The following SOX5 variants were observed in gnomAD, a reference collection of about 807,000 sequenced individuals.
SOX5 encodes the protein SRY-box transcription factor 5.
SOX5 carries 9 observed loss-of-function variants against 92.0 expected under a neutral mutation model. The observed-to-expected ratio is 0.10, with a 90% CI of 0.06 to 0.17. SOX5 has a LOEUF of 0.17. Ranked by LOEUF, SOX5 falls within the 10% of genes least tolerant of loss-of-function variation. SOX5 has a pLI of 1.00. For missense variants in SOX5, 642 were observed against 944.5 expected, an observed-to-expected ratio of 0.68 and a Z score of 4.20; for synonymous variants, 344 against 336.3, an observed-to-expected ratio of 1.02 and a Z score of -0.25.
chr12:24,490,675 T>C (rs1183156476), intron 1 of SOX5, among the ~76,000 whole-genome samples: 3 of 152,242 alleles, frequency 2.0e-5, no homozygotes, highest in East Asian at 1.9e-4. Context: ...ACACACACCA[T>C]ATTTTTTTTA....
intron 4 of SOX5, among the ~76,000 whole-genome samples, chr12:24,098,412 G>T (rs1226770934): frequency 6.6e-6 from 1 of 152,046 alleles, no homozygotes; most frequent in African/African-American, 2.4e-5. Context: ...CACACACACG[G>T]TAGTTTTCAA....
intron 2 of SOX5, among the ~76,000 whole-genome samples, chr12:23,870,584 T>C (rs1359352578): frequency 2.6e-5 from 4 of 152,130 alleles, no homozygotes; most frequent in African/African-American, 4.8e-5. Flanking sequence ...ATAGATCCAC[T>C]TGTATGATCC....
intron 4 of SOX5, among the ~76,000 whole-genome samples, chr12:24,194,458 G>T (rs12298320): frequency 0.25 from 37,325 of 151,978 alleles, 5,884 homozygotes; most frequent in African/African-American, 0.45. Context: ...GGTAGGTAGA[G>T]AGATATGTGT....
At chr12:24,540,153 C>G (rs1053640305) in intron 1 of SOX5, among the ~76,000 whole-genome samples, 5 of 152,042 alleles carry the variant, frequency 3.3e-5, no homozygotes, top group Non-Finnish European at 7.4e-5. Flanking sequence ...ACGTAAGGAC[C>G]TTATCTGAAG....
chr12:23,964,931 A>T (rs1333376472), intron 4 of SOX5, among the ~76,000 whole-genome samples: 1 of 152,232 alleles, frequency 6.6e-6, no homozygotes, highest in African/African-American at 2.4e-5. Flanking sequence ...CGAAGAAATC[A>T]ACTTGAAGAA....
At chr12:24,508,207 C>T (rs374958452) in intron 1 of SOX5, among the ~76,000 whole-genome samples, 331 of 152,178 alleles carry the variant, frequency 2.2e-3, no homozygotes, top group African/African-American at 7.7e-3. Flanking sequence ...TCTAGCAGCC[C>T]TGTGCAGAGT....
At chr12:24,312,679 CATTTA>C (rs1555224952) in intron 2 of SOX5, among the ~76,000 whole-genome samples, 1 of 152,158 alleles carries the variant, frequency 6.6e-6, no homozygotes, top group Non-Finnish European at 1.5e-5. Context: ...TTCAGAAAGA[CATTTA>C]ATTTATGTGG....
chr12:24,466,317 C>T (rs1470650779), intron 1 of SOX5, among the ~76,000 whole-genome samples: 1 of 151,866 alleles, frequency 6.6e-6, no homozygotes, highest in African/African-American at 2.4e-5. Flanking sequence ...ACAGTTATAG[C>T]TCATAACAGC....
chr12:24,440,322 C>A (rs79324534), intron 1 of SOX5, among the ~76,000 whole-genome samples: 1,624 of 152,254 alleles, frequency 0.011, 31 homozygotes, highest in African/African-American at 0.037. Context: ...TTATCTTCCT[C>A]CTGACAGTAA....
At chr12:23,601,483 A>G (rs530234922) in intron 9 of SOX5, among the ~76,000 whole-genome samples, 14 of 152,202 alleles carry the variant, frequency 9.2e-5, no homozygotes, top group Non-Finnish European at 1.9e-4. Flanking sequence ...CCAGGTAGGT[A>G]TGTAGACAAC....
At chr12:23,708,904 C>A (rs2091746779) in intron 6 of SOX5, among the ~76,000 whole-genome samples, 1 of 151,998 alleles carries the variant, frequency 6.6e-6, no homozygotes, top group Admixed American at 6.6e-5. Context: ...ATTTCAGCGA[C>A]TGAATGTTAA....
intron 2 of SOX5, among the ~76,000 whole-genome samples, chr12:23,878,155 T>C (rs974905736): frequency 6.6e-6 from 1 of 152,064 alleles, no homozygotes; most frequent in Admixed American, 6.5e-5. Context: ...TTAATTTTGA[T>C]TCTTATTTTA....
chr12:24,364,348 C>A (rs1304413329), intron 2 of SOX5, among the ~76,000 whole-genome samples: 1 of 151,814 alleles, frequency 6.6e-6, no homozygotes, highest in Non-Finnish European at 1.5e-5. Flanking sequence ...TTGGACATCA[C>A]ATAAGAAAAA....
intron 2 of SOX5, among the ~76,000 whole-genome samples, chr12:24,312,270 C>T (rs968900994): frequency 6.6e-6 from 1 of 152,192 alleles, no homozygotes; most frequent in Admixed American, 6.5e-5. Flanking sequence ...GCTCCCCTCT[C>T]AAAAACACTC....
At chr12:23,837,248 T>TA (rs370362284) in intron 3 of SOX5, among the ~76,000 whole-genome samples, 112 of 76,322 alleles carry the variant, frequency 1.5e-3, no homozygotes, top group Middle Eastern at 6.8e-3. Context: ...ATATAATATA[T>TA]ATTTATATTT....
chr12:23,543,164 C>T (rs1276653403), intron 13 of SOX5, 47 bp downstream of exon 13: 1 of 1,515,396 alleles, frequency 6.6e-7, no homozygotes, highest in Non-Finnish European at 9.1e-7. Context: ...GAAAACAGAA[C>T]AGTACCTTTA....
intron 3 of SOX5, among the ~76,000 whole-genome samples, chr12:24,224,764 C>T (rs1961482001): frequency 1.3e-5 from 2 of 152,144 alleles, no homozygotes; most frequent in South Asian, 4.1e-4. Flanking sequence ...GTTTCTACTT[C>T]ATTATTTTTT....
At chr12:24,408,673 G>A (rs1004496525) in intron 1 of SOX5, among the ~76,000 whole-genome samples, 2 of 152,256 alleles carry the variant, frequency 1.3e-5, no homozygotes, top group Middle Eastern at 3.4e-3. Flanking sequence ...CTAGGTTCAC[G>A]TATGTATCAA....
intron 1 of SOX5, among the ~76,000 whole-genome samples, chr12:23,899,814 A>G (rs186086596): frequency 7.2e-5 from 11 of 152,340 alleles, no homozygotes; most frequent in Non-Finnish European, 1.5e-4. Context: ...TAATGGGAAT[A>G]AAAAACCTAT....
Sources: gnomAD v4.1 joint callset for allele counts (sites outside exome capture counted in the v4.1 genomes callset) on GRCh38, gnomAD v4.1.1 for gene constraint, MANE v1.5 for transcripts, NCBI Gene and HGNC (gene_info 2026-07-23, HGNC 2026-07-21) for gene names.